Variants in FOXO3 observed in about 807,000 individuals in gnomAD.
The protein encoded by FOXO3 is forkhead box O3.
A neutral mutation model predicts 41.9 loss-of-function variants in FOXO3; 4 were observed. The ratio of observed to expected loss-of-function variants is 0.10; its 90% CI spans 0.05 to 0.22. The LOEUF is 0.22. Among genes scored for constraint, FOXO3 ranks in the 10% least tolerant of loss-of-function variants. The pLI is 1.00. For missense variants in FOXO3, 534 were observed against 906.8 expected (o/e 0.59, Z 5.28); for synonymous variants, 318 against 389.3 (o/e 0.82, Z 2.16).
At chr6:108,560,400 G>C (rs1775737796), upstream of FOXO3, among the ~76,000 whole-genome samples, 1 of 152,192 alleles carries the variant, frequency 6.6e-6, no homozygotes, top group Non-Finnish European at 1.5e-5. Context: ...GAACCTCTGC[G>C]AACACCCGCT....
rs373210927 is a variant in FOXO3, at chr6:108,664,367, C to T, written c.1534C>T (p.Arg512Cys). 111 of 1,613,462 alleles carry T rather than the reference C, an allele frequency of 6.9e-5. No individual in the cohort carries two copies. The highest frequency in any genetic ancestry group is 8.5e-5 in the Non-Finnish European group (100 of 1,179,742). ...AQNSRRNVML[R>C]NDPMMSFAAQ... ...GAATTCCCGCCGGAACGTGATGCTT[C>T]GCAATGATCCGATGATGTCCTTTGC... Residue 512 changes from arginine to cysteine, a missense_variant, in exon 2 of 3, where the codon CGC (arginine) becomes TGC (cysteine). This residue lies in a region of FOXO3 where 94 missense variants were observed against 214.4 expected (regional missense o/e 0.44). Transcript: ENST00000406360.
intron 2 of FOXO3, among the ~76,000 whole-genome samples, chr6:108,676,597 A>G (rs1482777959): frequency 6.6e-6 from 1 of 152,096 alleles, no homozygotes; most frequent in African/African-American, 2.4e-5. Context: ...CATAAATCTC[A>G]CGGTTAACTA....
chr6:108,570,747 A>AT (rs996359615), intron 1 of FOXO3, among the ~76,000 whole-genome samples: 3 of 152,148 alleles, frequency 2.0e-5, no homozygotes, highest in Non-Finnish European at 4.4e-5. Context: ...GATGTCAAGT[A>AT]TTTTTTTCTC....
intron 1 of FOXO3, among the ~76,000 whole-genome samples, chr6:108,639,768 A>G (rs1778206060): frequency 6.6e-6 from 1 of 152,258 alleles, no homozygotes; most frequent in African/African-American, 2.4e-5. Context: ...AATTAAGAAG[A>G]CAAAACTTGA....
intron 2 of FOXO3, among the ~76,000 whole-genome samples, chr6:108,672,896 G>A (rs923196175): frequency 1.9e-4 from 29 of 151,858 alleles, no homozygotes; most frequent in African/African-American, 6.8e-4. Context: ...TGGAGTGTTT[G>A]ACTTGATTCT....
chr6:108,626,380 G>T (rs186147633), intron 1 of FOXO3, among the ~76,000 whole-genome samples: 1 of 152,248 alleles, frequency 6.6e-6, no homozygotes, highest in East Asian at 1.9e-4. Context: ...GCAAGTGGAC[G>T]CTGTTTTCTG....
intron 1 of FOXO3, among the ~76,000 whole-genome samples, chr6:108,618,791 T>C (rs1158479522): frequency 1.3e-5 from 2 of 152,222 alleles, no homozygotes; most frequent in African/African-American, 4.8e-5. Flanking sequence ...TCTAAGACTC[T>C]AGGAACCGAC....
intron 1 of FOXO3, among the ~76,000 whole-genome samples, chr6:108,640,638 T>C (rs576231188): frequency 6.6e-6 from 1 of 152,318 alleles, no homozygotes; most frequent in East Asian, 1.9e-4. Flanking sequence ...GGACATTTAG[T>C]CAATTTGAGG....
chr6:108,639,074 C>T (rs150907445), intron 1 of FOXO3, among the ~76,000 whole-genome samples: 4 of 152,248 alleles, frequency 2.6e-5, no homozygotes, highest in Non-Finnish European at 4.4e-5. Flanking sequence ...AGACTTTTCA[C>T]GTTAATGGAC....
Position 108,656,504 on chromosome 6 carries a change from C to T in FOXO3, c.622-6951C>T, listed in dbSNP as rs1242403170. On this transcript the variant is annotated intron_variant, in intron 1 of 2. Coordinates refer to ENST00000406360, the MANE Select transcript of FOXO3 (RefSeq NM_001455.4). Reference sequence around the variant, plus strand: ...TTTCCTGGAAGGGGCCGCCCTGGAACCTTTTGGCTTAAAGTATATGATGCT... The same window carrying T: ...TTTCCTGGAAGGGGCCGCCCTGGAATCTTTTGGCTTAAAGTATATGATGCT... 1.4e-5 allele frequency: 14 copies of T among 985,176 alleles called. No individual in the cohort carries two copies. In the African/African-American group the frequency reaches 2.4e-4, roughly 17 times the overall value. The allele number at this position is 985,176 out of a possible 1,614,324, so 61.0% of individuals were successfully genotyped here.
rs1291598440 is a variant in FOXO3 at position 108,680,399 on chromosome 6, G to A, written c.*607G>A. On this transcript the variant is annotated 3_prime_UTR_variant, in exon 3 of 3. Coordinates refer to ENST00000406360, the MANE Select transcript of FOXO3 (RefSeq NM_001455.4). ...AAAGGGGGATTTTCTTTCTTCTTTT[G>A]TTTGGTAGAAAATTATCCTTTTCTA... is the stretch of plus-strand genomic sequence containing the variant. 6.6e-6 allele frequency: 1 copy of A among 152,368 alleles called. No homozygotes were observed. The highest frequency in any genetic ancestry group is 1.5e-5 in the Non-Finnish European group (1 of 68,028). 9.4% of individuals were successfully genotyped at this position (152,368 alleles called of 1,614,324 possible).
intron 1 of FOXO3, among the ~76,000 whole-genome samples, chr6:108,610,137 T>C (rs528902343): frequency 1.3e-5 from 2 of 152,326 alleles, no homozygotes; most frequent in East Asian, 3.9e-4. Flanking sequence ...TTTAAAATCG[T>C]TGCTTTAATA....
At chr6:108,598,245 G>A (rs560831542) in intron 1 of FOXO3, among the ~76,000 whole-genome samples, 60 of 152,146 alleles carry the variant, frequency 3.9e-4, no homozygotes, top group African/African-American at 1.3e-3. Context: ...GAAAATCCCT[G>A]TGCATCTTTC....
chr6:108,588,336 T>C (rs1776642525), intron 1 of FOXO3, among the ~76,000 whole-genome samples: 1 of 152,200 alleles, frequency 6.6e-6, no homozygotes, highest in African/African-American at 2.4e-5. Flanking sequence ...TGTTGTATTT[T>C]TTTTTTCTCA....
intron 1 of FOXO3, among the ~76,000 whole-genome samples, chr6:108,575,101 A>G (rs182225772): frequency 1.1e-3 from 171 of 152,330 alleles, no homozygotes; most frequent in Middle Eastern, 3.4e-3. Context: ...ATTAAATACA[A>G]TTGAGCTTGT....
At chr6:108,620,239 T>C (rs1777628889) in intron 1 of FOXO3, among the ~76,000 whole-genome samples, 1 of 152,224 alleles carries the variant, frequency 6.6e-6, no homozygotes, top group East Asian at 1.9e-4. Flanking sequence ...GACTAATTCC[T>C]GTCTTTGAGG....
At chr6:108,620,983 A>G (rs1043207015) in intron 1 of FOXO3, among the ~76,000 whole-genome samples, 6 of 152,240 alleles carry the variant, frequency 3.9e-5, no homozygotes, top group African/African-American at 7.2e-5. Context: ...TATTTAAGTC[A>G]TATCTTATTT....
At chr6:108,675,036 G>A (rs919893762) in intron 2 of FOXO3, among the ~76,000 whole-genome samples, 2 of 152,002 alleles carry the variant, frequency 1.3e-5, no homozygotes, top group Non-Finnish European at 2.9e-5. Context: ...ATTCATAGTC[G>A]ACTCTGGATA....
intron 1 of FOXO3, among the ~76,000 whole-genome samples, chr6:108,589,962 T>C (rs1031009906): frequency 6.6e-6 from 1 of 152,168 alleles, no homozygotes; most frequent in Non-Finnish European, 1.5e-5. Flanking sequence ...TCCAGAAACT[T>C]TTTTATCCTC....
Sources: allele counts gnomAD v4.1 joint callset (sites outside exome capture counted in the v4.1 genomes callset), GRCh38; gene constraint gnomAD v4.1.1; regional missense constraint gnomAD v4.1.1; transcripts MANE v1.5; gene names NCBI Gene and HGNC (gene_info 2026-07-23, HGNC 2026-07-21).